Variants in ERBB4 observed in about 807,000 individuals in gnomAD.
ERBB4 encodes the protein erb-b2 receptor tyrosine kinase 4, also known as receptor tyrosine-protein kinase erbB-4.
In ERBB4, 42 loss-of-function variants were observed where a neutral mutation model predicts 158.0. The observed-to-expected ratio is 0.27, with a 90% confidence interval of 0.21 to 0.34. The LOEUF is 0.34. ERBB4 is among the 10% of genes least tolerant of loss of function. The pLI is 1.00. For synonymous variants in ERBB4, 583 were observed against 558.7 expected (o/e 1.04, Z -0.61); for missense variants, 1,333 against 1,624.1 (o/e 0.82, Z 3.08).
At chr2:212,008,463 T>A (rs2076306028) in intron 2 of ERBB4, among the ~76,000 whole-genome samples, 1 of 152,276 alleles carries the variant, frequency 6.6e-6, no homozygotes, top group South Asian at 2.1e-4. Context: ...TCACCCTTGA[T>A]GAACTCCTAG....
chr2:212,317,737 A>G (rs10932435), intron 1 of ERBB4, among the ~76,000 whole-genome samples: 143,326 of 151,466 alleles, frequency 0.95, 68,015 homozygotes, highest in African/African-American at 0.99. Context: ...GTCATGCCTC[A>G]AAGCATACAG....
chr2:212,386,174 A>T (rs978733918), intron 1 of ERBB4, among the ~76,000 whole-genome samples: 1 of 151,702 alleles, frequency 6.6e-6, no homozygotes, highest in Admixed American at 6.6e-5. Context: ...TTTAGAACTG[A>T]GTGTTTTTTA....
intron 1 of ERBB4, among the ~76,000 whole-genome samples, chr2:212,185,914 C>T (rs545103590): frequency 1.3e-5 from 2 of 152,166 alleles, no homozygotes; most frequent in South Asian, 4.1e-4. Flanking sequence ...AATGCAAATA[C>T]ATAAAAATTT....
intron 1 of ERBB4, among the ~76,000 whole-genome samples, chr2:212,215,166 G>T (rs2105936771): frequency 6.6e-6 from 1 of 151,548 alleles, no homozygotes. Context: ...TGTATACAGT[G>T]CCTCCTTTGT....
intron 1 of ERBB4, among the ~76,000 whole-genome samples, chr2:212,373,377 T>C (rs957316944): frequency 1.1e-4 from 17 of 152,062 alleles, no homozygotes; most frequent in African/African-American, 3.6e-4. Flanking sequence ...AATCAGATTA[T>C]AGCAATGACT....
chr2:212,533,026 T>C (rs1216157020), intron 1 of ERBB4, among the ~76,000 whole-genome samples: 12 of 152,154 alleles, frequency 7.9e-5, no homozygotes, highest in Non-Finnish European at 8.8e-5. Context: ...GATTACAGAA[T>C]TGGAAAATAC....
intron 1 of ERBB4, among the ~76,000 whole-genome samples, chr2:212,441,130 G>A (rs921768354): frequency 2.0e-5 from 3 of 152,146 alleles, no homozygotes; most frequent in Non-Finnish European, 2.9e-5. Flanking sequence ...CCTGCATCTC[G>A]GAATGGGCAC....
intron 19 of ERBB4, among the ~76,000 whole-genome samples, chr2:211,568,546 T>A (rs2125738248): frequency 6.6e-6 from 1 of 152,266 alleles, no homozygotes; most frequent in South Asian, 2.1e-4. Context: ...CAGTGAAAAC[T>A]TATAGGCTAT....
chr2:211,464,619 A>T (rs2064626672), intron 20 of ERBB4, among the ~76,000 whole-genome samples: 1 of 152,154 alleles, frequency 6.6e-6, no homozygotes. Flanking sequence ...TCACTAATGC[A>T]TGTTCTACAA....
chr2:211,424,072 G>C, intron 23 of ERBB4, 83 bp downstream of exon 23: 4 of 1,356,044 alleles, frequency 2.9e-6, no homozygotes, highest in Non-Finnish European at 3.2e-6. Flanking sequence ...TTTCAATACA[G>C]AGAAATGTTG....
chr2:211,815,230 T>A (rs76862659), intron 3 of ERBB4, among the ~76,000 whole-genome samples: 1 of 152,188 alleles, frequency 6.6e-6, no homozygotes, highest in Non-Finnish European at 1.5e-5. Context: ...TCTACTAGAA[T>A]AATAGCAACT....
intron 15 of ERBB4, among the ~76,000 whole-genome samples, chr2:211,661,056 AGG>A (rs2071405042): frequency 6.6e-6 from 1 of 151,958 alleles, no homozygotes; most frequent in Non-Finnish European, 1.5e-5. Context: ...AAGAGCGGGG[AGG>A]GACTGAGGGA....
intron 2 of ERBB4, among the ~76,000 whole-genome samples, chr2:212,094,209 A>G (rs1233092579): frequency 6.6e-6 from 1 of 151,746 alleles, no homozygotes; most frequent in East Asian, 1.9e-4. Context: ...TCATGAGTTC[A>G]TGTGAGATAA....
intron 17 of ERBB4, among the ~76,000 whole-genome samples, chr2:211,626,254 C>T (rs2069837688): frequency 6.6e-6 from 1 of 152,086 alleles, no homozygotes; most frequent in African/African-American, 2.4e-5. Context: ...TTGAATCACA[C>T]CATCTACCAA....
At chr2:212,415,753 C>T (rs943007369) in intron 1 of ERBB4, among the ~76,000 whole-genome samples, 1 of 151,984 alleles carries the variant, frequency 6.6e-6, no homozygotes, top group Non-Finnish European at 1.5e-5. Context: ...ACAATATTTT[C>T]TTAACTGAGT....
intron 21 of ERBB4, among the ~76,000 whole-genome samples, chr2:211,429,599 G>A (rs1388046939): frequency 1.3e-5 from 2 of 152,262 alleles, no homozygotes; most frequent in East Asian, 1.9e-4. Context: ...ATGGAATAAA[G>A]ATAAACACTT....
chr2:211,938,539 A>G (rs2080393060), intron 3 of ERBB4, among the ~76,000 whole-genome samples: 1 of 152,186 alleles, frequency 6.6e-6, no homozygotes, highest in African/African-American at 2.4e-5. Flanking sequence ...CATTCACAGC[A>G]GTCTTGTTCA....
At chr2:211,930,306 A>G (rs1007827611) in intron 3 of ERBB4, among the ~76,000 whole-genome samples, 1 of 152,178 alleles carries the variant, frequency 6.6e-6, no homozygotes, top group Non-Finnish European at 1.5e-5. Flanking sequence ...TATGAAAACC[A>G]TTTAAAAACT....
chr2:211,624,103 G>C (rs573587679), intron 17 of ERBB4, 59 bp from the exon 18 acceptor site: 1,201 of 1,394,702 alleles, frequency 8.6e-4, no homozygotes, highest in Non-Finnish European at 1.1e-3. Context: ...CTCTCTCTCT[G>C]TCTCTCTCTC....
Sources: allele counts gnomAD v4.1 joint callset (sites outside exome capture counted in the v4.1 genomes callset), GRCh38; gene constraint gnomAD v4.1.1; transcripts MANE v1.5; gene names NCBI Gene and HGNC (gene_info 2026-07-23, HGNC 2026-07-21).